Variants in CAP2 observed in about 807,000 individuals in gnomAD.
The protein encoded by CAP2 is adenylyl cyclase-associated protein 2.
In CAP2, 24 loss-of-function variants were observed where a neutral mutation model predicts 57.7. That is an observed-to-expected ratio of 0.42 (90% CI 0.30 to 0.58). CAP2 has a LOEUF of 0.58. Ranked by LOEUF, CAP2 falls within the 20% of genes least tolerant of loss-of-function variation. The pLI is 0.22. For synonymous variants in CAP2, 194 were observed against 207.2 expected, an observed-to-expected ratio of 0.94 and a Z score of 0.55; for missense variants, 501 against 590.3, an observed-to-expected ratio of 0.85 and a Z score of 1.57.
chr6:17,445,227 C>T (rs1191410001), intron 3 of CAP2, among the ~76,000 whole-genome samples: 1 of 152,210 alleles, frequency 6.6e-6, no homozygotes. Context: ...CTGCCTCAGC[C>T]TCCTAAGTAG....
chr6:17,532,708 A>C (rs2113689811), intron 7 of CAP2, among the ~76,000 whole-genome samples: 1 of 148,394 alleles, frequency 6.7e-6, no homozygotes, highest in South Asian at 2.1e-4. Flanking sequence ...AGATCACGCC[A>C]CTGCACTCCA....
At chr6:17,394,864 A>G (rs1758630267) in intron 1 of CAP2, among the ~76,000 whole-genome samples, 1 of 152,194 alleles carries the variant, frequency 6.6e-6, no homozygotes, top group Non-Finnish European at 1.5e-5. Flanking sequence ...TTCCTACGGC[A>G]CCAAACAGTA....
intron 1 of CAP2, among the ~76,000 whole-genome samples, chr6:17,400,349 G>A (rs9477414): frequency 0.049 from 7,480 of 152,218 alleles, 488 homozygotes; most frequent in African/African-American, 0.15. Flanking sequence ...TCCATTTGGA[G>A]ATCCAGAGAA....
intron 6 of CAP2, among the ~76,000 whole-genome samples, chr6:17,512,223 C>A (rs1372973440): frequency 6.6e-6 from 1 of 151,878 alleles, no homozygotes; most frequent in Non-Finnish European, 1.5e-5. Flanking sequence ...GACCTCCATC[C>A]CTACAAAAAA....
chr6:17,529,651 A>AAAAAATATAT (rs10656588), intron 7 of CAP2, among the ~76,000 whole-genome samples: 153 of 134,506 alleles, frequency 1.1e-3, no homozygotes, highest in Middle Eastern at 3.7e-3. Context: ...AAAAAAAAAA[A>AAAAAATATAT]ATATATATAT....
intron 1 of CAP2, 77 bp from the exon 2 acceptor site, chr6:17,421,478 T>C: frequency 6.9e-7 from 1 of 1,449,938 alleles, no homozygotes; most frequent in Non-Finnish European, 9.7e-7. Context: ...TCCTCGCTGT[T>C]GTTGAGACTG....
chr6:17,507,666 A>T lies in CAP2; in HGVS notation c.470A>T (p.Lys157Met). 1 of 1,610,012 alleles carries T rather than the reference A, an allele frequency of 6.2e-7. No individual in the cohort carries two copies. The highest frequency in any genetic ancestry group is 8.5e-7 in the Non-Finnish European group (1 of 1,176,590). Residue 157 changes from lysine (K) to methionine (M), a missense_variant, in exon 6 of 13, where the codon AAG (lysine) becomes ATG (methionine). Transcript: ENST00000229922. Reference protein sequence around the residue: ...AVSPKPGPYVKEMNDAATFYT... With the variant: ...AVSPKPGPYVMEMNDAATFYT... The stretch of plus-strand genomic sequence containing the variant: ...TCTCCCAAACCTGGTCCTTATGTCA[A>T]GGAGATGAATGACGCTGCCACCTTT...
chr6:17,438,136 G>C (rs913803213), intron 3 of CAP2, among the ~76,000 whole-genome samples: 1 of 146,966 alleles, frequency 6.8e-6, no homozygotes, highest in Non-Finnish European at 1.5e-5. Flanking sequence ...GGGAGGCCAA[G>C]GTGGGCGGAT....
rs866433716 is a variant in CAP2, at chr6:17,543,739, C to T, written c.1209+596C>T. 3.3e-5 allele frequency among the ~76,000 whole-genome samples: 5 copies of T among 152,094 alleles called. No individual in the cohort carries two copies. In the South Asian group the frequency reaches 8.3e-4, roughly 25 times the overall value. The stretch of plus-strand genomic sequence containing the variant: ...ATCATCACCTCCTTGGTAGACCCCT[C>T]TCTTACTTCTCAGTGTTAGTTCTTT... On this transcript the variant is annotated intron_variant, in intron 11 of 12. Coordinates refer to ENST00000229922, the MANE Select transcript of CAP2 (RefSeq NM_006366.3).
At chr6:17,523,081 G>A (rs9477468) in intron 7 of CAP2, among the ~76,000 whole-genome samples, 2 of 152,024 alleles carry the variant, frequency 1.3e-5, no homozygotes, top group Non-Finnish European at 2.9e-5. Context: ...TAATGACTTA[G>A]GAATTGCATA....
At chr6:17,443,602 C>T (rs1188609800) in intron 3 of CAP2, among the ~76,000 whole-genome samples, 2 of 141,146 alleles carry the variant, frequency 1.4e-5, no homozygotes, top group African/African-American at 2.6e-5. Flanking sequence ...CACGTGCGCA[C>T]GTGCACTCCC....
intron 3 of CAP2, among the ~76,000 whole-genome samples, chr6:17,450,784 T>G (rs970861948): frequency 6.6e-6 from 1 of 152,140 alleles, no homozygotes; most frequent in African/African-American, 2.4e-5. Context: ...CCAATGAGAG[T>G]AAAATCATTG....
At chr6:17,533,869 T>A (rs752169193) in intron 7 of CAP2, among the ~76,000 whole-genome samples, 4 of 152,150 alleles carry the variant, frequency 2.6e-5, no homozygotes, top group Non-Finnish European at 4.4e-5. Flanking sequence ...CCCAGCCTCA[T>A]TTTTTTAAGT....
At chr6:17,451,221 AT>A in intron 3 of CAP2, among the ~76,000 whole-genome samples, 1 of 127,620 alleles carries the variant, frequency 7.8e-6, no homozygotes, top group South Asian at 2.7e-4. Flanking sequence ...AGGAAAGGAA[AT>A]CTTCTATCCA....
intron 9 of CAP2, among the ~76,000 whole-genome samples, chr6:17,542,326 A>C (rs2113701316): frequency 6.6e-6 from 1 of 152,244 alleles, no homozygotes; most frequent in African/African-American, 2.4e-5. Flanking sequence ...GCCCGGGCTA[A>C]GTGTGTGAGC....
intron 10 of CAP2, 21 bp downstream of exon 10, chr6:17,542,981 T>C (rs1038434182): frequency 6.2e-7 from 1 of 1,613,194 alleles, no homozygotes; most frequent in Non-Finnish European, 8.5e-7. Context: ...ATTATGGCTC[T>C]ATGGTTATTA....
At chr6:17,463,151 A>C in intron 4 of CAP2, 78 bp downstream of exon 4, 1 of 1,007,870 alleles carries the variant, frequency 9.9e-7, no homozygotes. Flanking sequence ...CAACAGAAGC[A>C]TTTATTATAG....
chr6:17,449,057 C>A (rs57512529), intron 3 of CAP2, among the ~76,000 whole-genome samples: 5,648 of 152,250 alleles, frequency 0.037, 362 homozygotes, highest in African/African-American at 0.13. Flanking sequence ...CCACAGCGCC[C>A]GGCCTACGTC....
chr6:17,436,086 T>TTTCCTTCCTTCCTTCCTTCCTTCC (rs745555651), intron 3 of CAP2, among the ~76,000 whole-genome samples: 31 of 133,990 alleles, frequency 2.3e-4, no homozygotes, highest in African/African-American at 8.4e-4. Context: ...TCTTTCTTTC[T>TTTCCTTCCTTCCTTCCTTCCTTCC]TTCCTTCCTT....
Sources: gnomAD v4.1 joint callset for allele counts (sites outside exome capture counted in the v4.1 genomes callset) on GRCh38, gnomAD v4.1.1 for gene constraint, MANE v1.5 for transcripts, NCBI Gene and HGNC (gene_info 2026-07-23, HGNC 2026-07-21) for gene names.